HCRTR2: variants seen among roughly 807,000 people sequenced by gnomAD.
The protein encoded by HCRTR2 is orexin receptor type 2.
A neutral mutation model predicts 49.0 loss-of-function variants in HCRTR2; 22 were observed. The ratio of observed to expected loss-of-function variants is 0.45; its 90% CI spans 0.32 to 0.64. The LOEUF is 0.64. HCRTR2 is among the 30% of genes least tolerant of loss of function. HCRTR2 has a pLI of 0.04. For synonymous variants in HCRTR2, 236 were observed against 205.3 expected (o/e 1.15, Z -1.28); for missense variants, 491 against 559.4 (o/e 0.88, Z 1.23).
At chr6:55,274,136 GAATTGCCA>G (rs1767027557) in intron 4 of HCRTR2, among the ~76,000 whole-genome samples, 1 of 150,600 alleles carries the variant, frequency 6.6e-6, no homozygotes, top group African/African-American at 2.4e-5. Context: ...AATTTGGGGA[GAATTGCCA>G]TATTAACAAT....
At chr6:55,144,866 A>G (rs953449337) in intron 1 of HCRTR2, among the ~76,000 whole-genome samples, 6 of 152,106 alleles carry the variant, frequency 3.9e-5, no homozygotes, top group African/African-American at 1.4e-4. Context: ...GGATTAATAT[A>G]TATCATTGTT....
chr6:55,201,826 T>G (rs1282924679), intron 1 of HCRTR2, among the ~76,000 whole-genome samples: 1 of 152,146 alleles, frequency 6.6e-6, no homozygotes, highest in African/African-American at 2.4e-5. Context: ...CAAACTCAGA[T>G]TTTATAGCAA....
At chr6:55,204,241 C>T (rs1287591196) in intron 1 of HCRTR2, among the ~76,000 whole-genome samples, 1 of 152,172 alleles carries the variant, frequency 6.6e-6, no homozygotes, top group Non-Finnish European at 1.5e-5. Context: ...CCCCAGCTCT[C>T]ATATTCCTTG....
intron 1 of HCRTR2, among the ~76,000 whole-genome samples, chr6:55,236,560 A>C (rs920389172): frequency 6.6e-6 from 1 of 152,142 alleles, no homozygotes; most frequent in African/African-American, 2.4e-5. Context: ...AATGCTAAAT[A>C]GAAATTACCA....
intron 1 of HCRTR2, among the ~76,000 whole-genome samples, chr6:55,154,635 A>G (rs1158983767): frequency 1.6e-4 from 25 of 151,724 alleles, no homozygotes; most frequent in Admixed American, 1.6e-3. Context: ...TCTTGCTTCT[A>G]TTCAGCATAG....
chr6:55,162,100 CA>C (rs1321464930), intron 1 of HCRTR2, among the ~76,000 whole-genome samples: 1 of 152,138 alleles, frequency 6.6e-6, no homozygotes, highest in Non-Finnish European at 1.5e-5. Context: ...AAAATACTGG[CA>C]AACCAAATCC....
At chr6:55,128,922 A>G (rs1764317445) in intron 1 of HCRTR2, among the ~76,000 whole-genome samples, 1 of 152,134 alleles carries the variant, frequency 6.6e-6, no homozygotes, top group Non-Finnish European at 1.5e-5. Flanking sequence ...TAAGTATTCC[A>G]TGCACCATGC....
At chr6:55,144,285 T>C (rs1165796836) in intron 1 of HCRTR2, among the ~76,000 whole-genome samples, 2 of 151,872 alleles carry the variant, frequency 1.3e-5, no homozygotes, top group Non-Finnish European at 2.9e-5. Flanking sequence ...GCTAATTTTG[T>C]ATTTTTTTTT....
chr6:55,212,560 C>A (rs1442921372), intron 1 of HCRTR2, among the ~76,000 whole-genome samples: 3 of 152,042 alleles, frequency 2.0e-5, no homozygotes, highest in Non-Finnish European at 2.9e-5. Context: ...TTCTTTTGGG[C>A]CTCTTTCCCT....
chr6:55,198,258 A>G lies in HCRTR2; in HGVS notation c.223+23448A>G, dbSNP rs114580373. ...ATTTAATGCTAATCATTAAGTCTCA[A>G]ACTAACTCCAAACTTATCTTTAACT... On this transcript the variant is annotated intron_variant, in intron 1 of 6. Coordinates refer to ENST00000370862, the MANE Select transcript of HCRTR2 (RefSeq NM_001384272.1). Among the ~76,000 whole-genome samples the G allele has an allele frequency of 5.9e-3, 905 of 152,142 alleles. 6 individuals carry two copies. Among genetic ancestry groups the G allele is most frequent in the Non-Finnish European group, 5.9e-3 (399 of 68,000 alleles).
intron 1 of HCRTR2, among the ~76,000 whole-genome samples, chr6:55,168,817 C>T (rs1262010844): frequency 2.0e-5 from 3 of 152,014 alleles, no homozygotes; most frequent in Non-Finnish European, 1.5e-5. Flanking sequence ...TAAAATCTTC[C>T]TCCTAGATTT....
At chr6:55,165,472 C>T (rs922762908) in intron 1 of HCRTR2, among the ~76,000 whole-genome samples, 26 of 151,664 alleles carry the variant, frequency 1.7e-4, no homozygotes, top group Admixed American at 1.5e-3. Context: ...CATAAAACCC[C>T]AAAATAGATT....
chr6:55,121,913 TAAAA>T (rs1344949769), intron 1 of HCRTR2, among the ~76,000 whole-genome samples: 3 of 151,302 alleles, frequency 2.0e-5, no homozygotes, highest in African/African-American at 7.4e-5. Context: ...GATATTGTTC[TAAAA>T]TTCTCTTTTT....
In HCRTR2 at chr6:55,162,051, A is replaced by G. The variant is rs1204997926; in HGVS notation, c.-377-12160A>G. ...CACACAAAAAAGAAAATTTCAGGCT[A>G]ATATATCCCTGATTAACACCGACGC... is the stretch of plus-strand genomic sequence containing the variant. On this transcript the variant is annotated intron_variant, in intron 1 of 7. Transcript: ENST00000615358. Among the ~76,000 whole-genome samples, 4 of 152,140 alleles carry G rather than the reference A, an allele frequency of 2.6e-5. No homozygotes were observed. The East Asian group carries it at 5.8e-4, about 22-fold the overall frequency.
intron 1 of HCRTR2, among the ~76,000 whole-genome samples, chr6:55,176,157 G>T (rs892228270): frequency 6.6e-6 from 1 of 152,186 alleles, no homozygotes; most frequent in Non-Finnish European, 1.5e-5. Flanking sequence ...CACCAACTCA[G>T]CAGGCAGAAT....
chr6:55,121,753 T>A (rs1764203015), intron 1 of HCRTR2, among the ~76,000 whole-genome samples: 1 of 152,168 alleles, frequency 6.6e-6, no homozygotes, highest in Non-Finnish European at 1.5e-5. Flanking sequence ...GTTTATATGC[T>A]GGATTATGTT....
At chr6:55,238,503 C>G (rs959817125) in intron 1 of HCRTR2, among the ~76,000 whole-genome samples, 2 of 152,076 alleles carry the variant, frequency 1.3e-5, no homozygotes, top group Admixed American at 1.3e-4. Context: ...TGTAATTTTC[C>G]AATTCTCCAT....
chr6:55,154,364 AAAAATCCTCAGT>A (rs1385441077), intron 1 of HCRTR2, among the ~76,000 whole-genome samples: 2 of 151,934 alleles, frequency 1.3e-5, no homozygotes, highest in Non-Finnish European at 2.9e-5. Context: ...ATACATATGC[AAAAATCCTCAGT>A]AAAATCCTAG....
At chr6:55,189,121 T>C (rs927961582) in intron 1 of HCRTR2, among the ~76,000 whole-genome samples, 1 of 152,214 alleles carries the variant, frequency 6.6e-6, no homozygotes, top group African/African-American at 2.4e-5. Context: ...TTTTGTGGCC[T>C]TCTTTATTTT....
Sources: allele counts gnomAD v4.1 joint callset (sites outside exome capture counted in the v4.1 genomes callset), GRCh38; gene constraint gnomAD v4.1.1; transcripts MANE v1.5; gene names NCBI Gene and HGNC (gene_info 2026-07-23, HGNC 2026-07-21).